PDE7B: variants seen among roughly 807,000 people sequenced by gnomAD.
The protein encoded by PDE7B is 3',5'-cyclic-AMP phosphodiesterase 7B.
PDE7B carries 29 observed loss-of-function variants against 56.2 expected under a neutral mutation model. That is an observed-to-expected ratio of 0.52 (90% CI 0.38 to 0.70). The LOEUF (loss-of-function observed/expected upper bound fraction) is 0.70, where lower values mean the gene tolerates loss of function less well. Among genes scored for constraint, PDE7B ranks in the 30% least tolerant of loss-of-function variants. PDE7B has a pLI of 0.00. For synonymous variants in PDE7B, 197 were observed against 196.9 expected (o/e 1.00, Z 0.00); for missense variants, 490 against 565.0 (o/e 0.87, Z 1.35).
At chr6:135,867,850 G>C (rs1423415131) in intron 1 of PDE7B, among the ~76,000 whole-genome samples, 1 of 152,178 alleles carries the variant, frequency 6.6e-6, no homozygotes, top group African/African-American at 2.4e-5. Flanking sequence ...TGCAGAAGTA[G>C]ATAATAGCAC....
chr6:135,997,360 G>T (rs1208984880), intron 2 of PDE7B, among the ~76,000 whole-genome samples: 1 of 121,426 alleles, frequency 8.2e-6, no homozygotes, highest in Non-Finnish European at 1.6e-5. Flanking sequence ...GCTGCAATGA[G>T]CCATGATCAT....
intron 2 of PDE7B, among the ~76,000 whole-genome samples, chr6:136,085,516 G>A (rs1208268355): frequency 2.0e-5 from 3 of 152,166 alleles, no homozygotes; most frequent in African/African-American, 7.2e-5. Flanking sequence ...CTATTCTAAT[G>A]TGCCGGAGGG....
At chr6:136,023,510 C>A (rs1202948819) in intron 2 of PDE7B, among the ~76,000 whole-genome samples, 2 of 152,334 alleles carry the variant, frequency 1.3e-5, no homozygotes, top group Middle Eastern at 3.4e-3. Context: ...CTTCACTCCT[C>A]AACAGAGAGG....
chr6:136,143,619 G>A (rs966598067), intron 3 of PDE7B, among the ~76,000 whole-genome samples: 1 of 150,654 alleles, frequency 6.6e-6, no homozygotes, highest in African/African-American at 2.5e-5. Flanking sequence ...GACTCTAGGT[G>A]AAGAAAAATA....
intron 1 of PDE7B, among the ~76,000 whole-genome samples, chr6:135,943,905 C>A (rs1774549164): frequency 6.6e-6 from 1 of 152,284 alleles, no homozygotes; most frequent in Middle Eastern, 3.4e-3. Flanking sequence ...CATGTGCCAG[C>A]AGGATCCCTC....
At chr6:136,075,122 T>C (rs1451503196) in intron 2 of PDE7B, among the ~76,000 whole-genome samples, 1 of 152,222 alleles carries the variant, frequency 6.6e-6, no homozygotes, top group Non-Finnish European at 1.5e-5. Context: ...ACCGTCTCAG[T>C]CTGTCTTTCT....
At chr6:136,117,745 G>T (rs1363003273) in intron 3 of PDE7B, among the ~76,000 whole-genome samples, 2 of 152,130 alleles carry the variant, frequency 1.3e-5, no homozygotes, top group African/African-American at 4.8e-5. Context: ...CTTAGGCAAG[G>T]TCCCCAGGCT....
intron 3 of PDE7B, among the ~76,000 whole-genome samples, chr6:136,115,725 AC>A (rs1336730199): frequency 6.6e-6 from 1 of 152,198 alleles, no homozygotes; most frequent in Non-Finnish European, 1.5e-5. Flanking sequence ...TATTCAGTCA[AC>A]AAACAGCACC....
chr6:136,185,782 A>G (rs1281936377), intron 11 of PDE7B, among the ~76,000 whole-genome samples: 2 of 151,818 alleles, frequency 1.3e-5, no homozygotes, highest in African/African-American at 4.8e-5. Flanking sequence ...AAACAATGAC[A>G]ATTTTTTATT....
chr6:135,913,685 A>G (rs1776249081), intron 1 of PDE7B, among the ~76,000 whole-genome samples: 1 of 152,236 alleles, frequency 6.6e-6, no homozygotes, highest in South Asian at 2.1e-4. Context: ...TGTCTTTAAA[A>G]TTAAAACAAT....
At chr6:136,019,671 C>T (rs1350923059) in intron 2 of PDE7B, among the ~76,000 whole-genome samples, 1 of 152,196 alleles carries the variant, frequency 6.6e-6, no homozygotes, top group Non-Finnish European at 1.5e-5. Context: ...ATCTTAACTA[C>T]TAATAGCCTA....
At chr6:135,907,546 T>G (rs886267090) in intron 1 of PDE7B, among the ~76,000 whole-genome samples, 31 of 152,122 alleles carry the variant, frequency 2.0e-4, no homozygotes, top group Admixed American at 1.7e-3. Context: ...TCTGCTATGC[T>G]CAGGCCTGCA....
At chr6:136,003,881 AG>A (rs1273715900) in intron 2 of PDE7B, among the ~76,000 whole-genome samples, 2 of 151,940 alleles carry the variant, frequency 1.3e-5, no homozygotes, top group Admixed American at 1.3e-4. Flanking sequence ...ATACCAAAGC[AG>A]GGCAGAGACA....
intron 3 of PDE7B, among the ~76,000 whole-genome samples, chr6:136,110,484 C>T (rs1583886519): frequency 6.6e-6 from 1 of 152,132 alleles, no homozygotes; most frequent in East Asian, 1.9e-4. Flanking sequence ...AGGGAGAAAA[C>T]AACCGAAAGG....
intron 3 of PDE7B, among the ~76,000 whole-genome samples, chr6:136,141,169 G>T (rs911086461): frequency 6.6e-6 from 1 of 152,116 alleles, no homozygotes; most frequent in Middle Eastern, 3.2e-3. Flanking sequence ...AGAGTTTTTA[G>T]CATGAAGGGT....
At chr6:135,852,249 C>T (rs1774955902) in intron 1 of PDE7B, among the ~76,000 whole-genome samples, 1 of 152,028 alleles carries the variant, frequency 6.6e-6, no homozygotes, top group Non-Finnish European at 1.5e-5. Context: ...TTCATTCCAA[C>T]CAGTGTAATG....
intron 2 of PDE7B, among the ~76,000 whole-genome samples, chr6:136,028,032 C>A (rs375369472): frequency 6.6e-6 from 1 of 152,168 alleles, no homozygotes; most frequent in South Asian, 2.1e-4. Flanking sequence ...TGTCTCTCCA[C>A]CAAACTTGTA....
intron 10 of PDE7B, among the ~76,000 whole-genome samples, chr6:136,180,115 G>A (rs1300891080): frequency 6.6e-6 from 1 of 152,200 alleles, no homozygotes; most frequent in African/African-American, 2.4e-5. Context: ...ATTGAATGGT[G>A]CAGTCTTTTT....
intron 12 of PDE7B, among the ~76,000 whole-genome samples, chr6:136,191,304 T>C (rs1426276173): frequency 6.6e-6 from 1 of 152,212 alleles, no homozygotes; most frequent in East Asian, 1.9e-4. Flanking sequence ...GCCCCAGAGC[T>C]GGAAATTTTT....
Sources: allele counts gnomAD v4.1 joint callset (sites outside exome capture counted in the v4.1 genomes callset), GRCh38; gene constraint gnomAD v4.1.1; transcripts MANE v1.5; gene names NCBI Gene and HGNC (gene_info 2026-07-23, HGNC 2026-07-21).